Variants in MAML2 observed in about 807,000 individuals in gnomAD.
The protein encoded by MAML2 is mastermind like transcriptional coactivator 2, also known as mastermind-like protein 2.
MAML2 carries 22 observed loss-of-function variants against 96.1 expected under a neutral mutation model. The observed-to-expected ratio is 0.23, with a 90% CI of 0.16 to 0.33. The LOEUF is 0.33. Among genes scored for constraint, MAML2 ranks in the 10% least tolerant of loss-of-function variants. The pLI is 1.00. For missense variants in MAML2, 1,367 were observed against 1,392.4 expected, an observed-to-expected ratio of 0.98 and a Z score of 0.29; for synonymous variants, 561 against 521.3, an observed-to-expected ratio of 1.08 and a Z score of -1.04.
At chr11:96,039,656 G>A (rs886965974) in intron 2 of MAML2, among the ~76,000 whole-genome samples, 3 of 151,874 alleles carry the variant, frequency 2.0e-5, no homozygotes, top group Non-Finnish European at 4.4e-5. Flanking sequence ...GGCAGGAAAA[G>A]AGATCATCGG....
intron 3 of MAML2, among the ~76,000 whole-genome samples, chr11:95,988,777 T>G (rs1349428729): frequency 6.6e-6 from 1 of 152,058 alleles, no homozygotes; most frequent in Non-Finnish European, 1.5e-5. Flanking sequence ...TGCAAAAGAC[T>G]GACATTCCTA....
intron 1 of MAML2, among the ~76,000 whole-genome samples, chr11:96,318,443 T>A (rs1863659626): frequency 6.6e-6 from 1 of 152,214 alleles, no homozygotes; most frequent in Non-Finnish European, 1.5e-5. Flanking sequence ...TTAAGAGAGT[T>A]AACTAATAGA....
At chr11:96,181,160 G>A (rs183859619) in intron 1 of MAML2, among the ~76,000 whole-genome samples, 22 of 152,292 alleles carry the variant, frequency 1.4e-4, no homozygotes, top group Admixed American at 6.5e-4. Context: ...AGGCCACTGG[G>A]CGTATACGTG....
At chr11:96,142,406 G>T (rs1591036707) in intron 1 of MAML2, among the ~76,000 whole-genome samples, 1 of 151,840 alleles carries the variant, frequency 6.6e-6, no homozygotes, top group East Asian at 1.9e-4. Flanking sequence ...CTGTTAAACT[G>T]GTATGACTGG....
chr11:96,139,185 T>C (rs1256027980), intron 1 of MAML2, among the ~76,000 whole-genome samples: 1 of 152,100 alleles, frequency 6.6e-6, no homozygotes, highest in East Asian at 1.9e-4. Context: ...GGCCTATCAC[T>C]CACCACTGAA....
chr11:96,171,494 G>T (rs763813125), intron 1 of MAML2, among the ~76,000 whole-genome samples: 1 of 152,136 alleles, frequency 6.6e-6, no homozygotes, highest in Non-Finnish European at 1.5e-5. Context: ...CCAGTAAAAT[G>T]CTTGCATGTG....
chr11:95,994,596 A>C (rs1857963035), intron 2 of MAML2, among the ~76,000 whole-genome samples: 1 of 152,054 alleles, frequency 6.6e-6, no homozygotes, highest in Non-Finnish European at 1.5e-5. Flanking sequence ...AGGATCAGGG[A>C]AGCGTAAAGA....
At chr11:96,033,712 C>T (rs538312358) in intron 2 of MAML2, among the ~76,000 whole-genome samples, 3 of 152,196 alleles carry the variant, frequency 2.0e-5, no homozygotes, top group South Asian at 2.1e-4. Flanking sequence ...TACCCTGGGT[C>T]GCGTCTGGGA....
intron 1 of MAML2, among the ~76,000 whole-genome samples, chr11:96,275,778 A>C (rs1296514157): frequency 6.6e-6 from 1 of 152,208 alleles, no homozygotes; most frequent in Non-Finnish European, 1.5e-5. Context: ...ACAAATCAAT[A>C]AAAATAAAGA....
chr11:96,302,728 C>T (rs1320557411), intron 1 of MAML2, among the ~76,000 whole-genome samples: 1 of 152,178 alleles, frequency 6.6e-6, no homozygotes, highest in Non-Finnish European at 1.5e-5. Flanking sequence ...TAACGAATTA[C>T]TCTCTTGATT....
chr11:96,110,733 G>A (rs1439112389), intron 1 of MAML2, among the ~76,000 whole-genome samples: 1 of 152,188 alleles, frequency 6.6e-6, no homozygotes, highest in African/African-American at 2.4e-5. Flanking sequence ...AATACTCCAT[G>A]GGAGACTTAC....
At chr11:96,326,948 A>G (rs2136015117) in intron 1 of MAML2, among the ~76,000 whole-genome samples, 1 of 152,340 alleles carries the variant, frequency 6.6e-6, no homozygotes. Flanking sequence ...TAGAGCTTAC[A>G]TTGAACGGAA....
At chr11:96,226,486 C>T (rs190113436) in intron 1 of MAML2, among the ~76,000 whole-genome samples, 3 of 152,168 alleles carry the variant, frequency 2.0e-5, no homozygotes, top group Non-Finnish European at 4.4e-5. Context: ...AGTAAAACAT[C>T]CCCTAATTAA....
intron 2 of MAML2, among the ~76,000 whole-genome samples, chr11:96,011,797 A>G (rs915739385): frequency 6.6e-6 from 1 of 152,208 alleles, no homozygotes; most frequent in Non-Finnish European, 1.5e-5. Flanking sequence ...TTTTTTTCTT[A>G]GCCTTTAGGA....
chr11:96,135,249 A>G (rs943711249), intron 1 of MAML2, among the ~76,000 whole-genome samples: 1 of 152,208 alleles, frequency 6.6e-6, no homozygotes, highest in African/African-American at 2.4e-5. Flanking sequence ...GGTATGACAC[A>G]GCAAGATGGC....
chr11:96,279,352 T>C (rs952665332), intron 1 of MAML2, among the ~76,000 whole-genome samples: 1 of 152,226 alleles, frequency 6.6e-6, no homozygotes, highest in Non-Finnish European at 1.5e-5. Flanking sequence ...GTTAGGGGTG[T>C]CTTCCCATTG....
chr11:96,299,545 G>A (rs941602644), intron 1 of MAML2, among the ~76,000 whole-genome samples: 37 of 151,992 alleles, frequency 2.4e-4, no homozygotes, highest in Non-Finnish European at 4.1e-4. Context: ...AGCAGGCCTC[G>A]CCCTCAGACA....
At chr11:96,327,790 G>A (rs993800612) in intron 1 of MAML2, among the ~76,000 whole-genome samples, 11 of 151,702 alleles carry the variant, frequency 7.3e-5, no homozygotes, top group African/African-American at 1.5e-4. Flanking sequence ...ACCAACTTCC[G>A]TTCATATATA....
intron 1 of MAML2, among the ~76,000 whole-genome samples, chr11:96,324,049 G>A (rs1863743389): frequency 6.6e-6 from 1 of 152,222 alleles, no homozygotes; most frequent in African/African-American, 2.4e-5. Flanking sequence ...ATTGTCATTG[G>A]CTTTCAAATG....
Sources: allele counts gnomAD v4.1 joint callset (sites outside exome capture counted in the v4.1 genomes callset), GRCh38; gene constraint gnomAD v4.1.1; transcripts MANE v1.5; gene names NCBI Gene and HGNC (gene_info 2026-07-23, HGNC 2026-07-21).